The following PDZD8 variants were observed in gnomAD, a reference collection of about 807,000 sequenced individuals.
PDZD8 encodes the protein PDZ domain containing 8.
PDZD8 carries 14 observed loss-of-function variants against 85.8 expected under a neutral mutation model. That is an observed-to-expected ratio of 0.16 (90% CI 0.11 to 0.26). The LOEUF (loss-of-function observed/expected upper bound fraction) is 0.26. Ranked by LOEUF, PDZD8 falls within the 10% of genes least tolerant of loss-of-function variation. The pLI is 1.00. For missense variants in PDZD8, 1,197 were observed against 1,424.3 expected, an observed-to-expected ratio of 0.84 and a Z score of 2.57; for synonymous variants, 592 against 568.6, an observed-to-expected ratio of 1.04 and a Z score of -0.59.
intron 3 of PDZD8, 137 bp downstream of exon 3, chr10:117,318,735 C>T (rs774971748): frequency 3.4e-5 from 20 of 580,490 alleles, no homozygotes; most frequent in Non-Finnish European, 5.3e-5. Flanking sequence ...TGTATTGTAA[C>T]GAGACAAATA....
intron 2 of PDZD8, among the ~76,000 whole-genome samples, chr10:117,330,389 T>C (rs1193563869): frequency 6.6e-6 from 1 of 152,202 alleles, no homozygotes; most frequent in African/African-American, 2.4e-5. Flanking sequence ...TTCATCTGCC[T>C]TTGAAATGAG....
At chr10:117,373,994 C>T (rs1044824626) in intron 1 of PDZD8, among the ~76,000 whole-genome samples, 1 of 152,152 alleles carries the variant, frequency 6.6e-6, no homozygotes, top group Non-Finnish European at 1.5e-5. Context: ...CGCGGCTGCC[C>T]TCAATGCAGC....
intron 4 of PDZD8, among the ~76,000 whole-genome samples, chr10:117,289,616 C>T (rs1000180248): frequency 2.6e-5 from 4 of 152,192 alleles, no homozygotes; most frequent in African/African-American, 9.6e-5. Flanking sequence ...GATAGGAAGG[C>T]ATGTAAGTGA....
intron 3 of PDZD8, among the ~76,000 whole-genome samples, chr10:117,302,744 C>A (rs1188068261): frequency 1.3e-5 from 2 of 152,100 alleles, no homozygotes; most frequent in African/African-American, 4.8e-5. Flanking sequence ...ATCAAGAGGG[C>A]CAGTCTTTCC....
In PDZD8 at chr10:117,318,933, T is replaced by C. The variant is rs1355725783; in HGVS notation, c.1037A>G (p.His346Arg). 6.2e-7 allele frequency: 1 copy of C among 1,612,358 alleles called. No individual in the cohort carries two copies. The highest frequency in any genetic ancestry group is 1.1e-5 in the South Asian group (1 of 91,034). ...ACTACTGCTTAACTCAAGTGTGCAATGAACATTTGCCTCTCTGTCATAGGA... is the reference window on the plus strand; with the variant it reads ...ACTACTGCTTAACTCAAGTGTGCAACGAACATTTGCCTCTCTGTCATAGGA... ...FGSYDREANV[H>R]CTLELSSSVW... Residue 346 changes from histidine to arginine, a missense_variant, in exon 3 of 5, where the codon CAT (histidine) becomes CGT (arginine). His to Arg is a conservative substitution (Grantham distance 29, BLOSUM62 0). This residue lies in a region of PDZD8 where 344 missense variants were observed against 453.6 expected (regional missense o/e 0.76). Coordinates refer to ENST00000334464, the MANE Select transcript of PDZD8 (RefSeq NM_173791.5).
intron 3 of PDZD8, among the ~76,000 whole-genome samples, chr10:117,297,888 A>G (rs1843782439): frequency 1.3e-5 from 2 of 152,144 alleles, no homozygotes; most frequent in African/African-American, 2.4e-5. Flanking sequence ...CTAAAAGGAA[A>G]GCAAAAACAA....
chr10:117,359,547 T>C (rs1037010113), intron 1 of PDZD8, among the ~76,000 whole-genome samples: 1 of 150,492 alleles, frequency 6.6e-6, no homozygotes, highest in Non-Finnish European at 1.5e-5. Context: ...CCGTCTCTAC[T>C]AAAAATACAA....
chr10:117,284,992 G>A lies in PDZD8; in HGVS notation c.1741C>T (p.Pro581Ser), dbSNP rs375672660. Reference protein sequence around the residue: ...EITDPAQVSKPTQGSAFKPPV... With the variant: ...EITDPAQVSKSTQGSAFKPPV... ...GGTTTGAAAGCAGATCCTTGGGTTGGTTTTGACACTTGTGCTGGGTCTGTT... is the reference window on the plus strand; with the variant it reads ...GGTTTGAAAGCAGATCCTTGGGTTGATTTTGACACTTGTGCTGGGTCTGTT... Residue 581 changes from proline (P) to serine (S), a missense_variant, in exon 5 of 5, where the codon CCA becomes TCA. By Grantham distance (74) the Pro-to-Ser change is moderately conservative. Around this residue, in one of 4 missense-constraint regions of PDZD8, gnomAD observed 263 missense variants for 261.9 expected, o/e 1.00. Coordinates refer to ENST00000334464, the MANE Select transcript of PDZD8 (RefSeq NM_173791.5). 2.2e-5 allele frequency: 35 copies of A among 1,614,100 alleles called. No homozygotes were observed. The highest frequency in any genetic ancestry group is 3.0e-5 in the Non-Finnish European group (35 of 1,180,008).
At chr10:117,298,030 T>C (rs947114574) in intron 3 of PDZD8, among the ~76,000 whole-genome samples, 1 of 152,122 alleles carries the variant, frequency 6.6e-6, no homozygotes, top group African/African-American at 2.4e-5. Context: ...ATCCTTAAGT[T>C]AATAAGGAAG....
chr10:117,363,103 A>G (rs1845025281), intron 1 of PDZD8, among the ~76,000 whole-genome samples: 1 of 152,150 alleles, frequency 6.6e-6, no homozygotes, highest in Non-Finnish European at 1.5e-5. Flanking sequence ...TAATTACCAT[A>G]CAAATGAAAT....
At chr10:117,347,889 A>G (rs190465731) in intron 1 of PDZD8, among the ~76,000 whole-genome samples, 238 of 152,290 alleles carry the variant, frequency 1.6e-3, no homozygotes, top group Admixed American at 3.7e-3. Flanking sequence ...AAAACCCAGA[A>G]TAGAGAAATT....
chr10:117,372,624 G>T (rs1845213489), intron 1 of PDZD8, among the ~76,000 whole-genome samples: 1 of 152,088 alleles, frequency 6.6e-6, no homozygotes, highest in South Asian at 2.1e-4. Context: ...TTAAACACTA[G>T]AACCGAGTTA....
At chr10:117,294,492 C>A (rs1465183715) in intron 3 of PDZD8, among the ~76,000 whole-genome samples, 1 of 152,116 alleles carries the variant, frequency 6.6e-6, no homozygotes. Context: ...ATCCAATAAT[C>A]CCACTATTGG....
chr10:117,336,586 T>C (rs1564704192), intron 2 of PDZD8, among the ~76,000 whole-genome samples: 2 of 150,674 alleles, frequency 1.3e-5, no homozygotes, highest in South Asian at 2.1e-4. Flanking sequence ...GCAGAGAAGA[T>C]AGAAGATAAA....
chr10:117,349,151 G>C (rs1173491937), intron 1 of PDZD8, among the ~76,000 whole-genome samples: 4 of 152,166 alleles, frequency 2.6e-5, no homozygotes, highest in African/African-American at 9.7e-5. Context: ...TAAGTCAAGA[G>C]GGCAACGATG....
At chr10:117,299,401 A>C (rs960702471) in intron 3 of PDZD8, among the ~76,000 whole-genome samples, 2 of 152,138 alleles carry the variant, frequency 1.3e-5, no homozygotes, top group Non-Finnish European at 2.9e-5. Flanking sequence ...TATTCCCTCA[A>C]ATCAGTTTTC....
rs1304180220 is a variant in PDZD8 at position 117,375,000 on chromosome 10, G to T, written c.228C>A (p.Gly76=). ...DEEPSGAAPE[G]GATPTAAPET... is the part of the protein sequence containing the mutation. ...CGGGGGCCGCGGTGGGGGTCGCGCC[G>T]CCCTCAGGGGCCGCTCCGGAGGGCT... The change falls in exon 1 of 5, where the codon GGC becomes GGA. Residue 76 remains glycine (G), a synonymous_variant. Transcript: ENST00000334464. The surrounding 1 kb of genome is among the most constrained non-coding windows in gnomAD (Gnocchi z 7.8). 2 of 1,587,476 alleles carry T rather than the reference G, an allele frequency of 1.3e-6. No individual in the cohort carries two copies. Among genetic ancestry groups the T allele is most frequent in the Middle Eastern group, 1.7e-4 (1 of 5,870 alleles).
intron 2 of PDZD8, among the ~76,000 whole-genome samples, chr10:117,338,578 C>T (rs1844555698): frequency 6.6e-6 from 1 of 152,110 alleles, no homozygotes; most frequent in Non-Finnish European, 1.5e-5. Flanking sequence ...TCACCTTGAC[C>T]CCTGTCCATC....
chr10:117,319,191 G>C (rs113456342), intron 2 of PDZD8, among the ~76,000 whole-genome samples: 4 of 152,146 alleles, frequency 2.6e-5, no homozygotes, highest in African/African-American at 9.6e-5. Flanking sequence ...CTATTTTTCA[G>C]CAGCTAAGTC....
Sources: gnomAD v4.1 joint callset for allele counts (sites outside exome capture counted in the v4.1 genomes callset) on GRCh38, gnomAD v4.1.1 for gene constraint, gnomAD v4.1.1 regional missense constraint, Gnocchi (gnomAD v3.1) non-coding constraint, MANE v1.5 for transcripts, NCBI Gene and HGNC (gene_info 2026-07-23, HGNC 2026-07-21) for gene names.